GRSF1: variants seen among roughly 807,000 people sequenced by gnomAD.
The protein encoded by GRSF1 is G-rich RNA sequence binding factor 1.
GRSF1 carries 50 observed loss-of-function variants against 51.1 expected under a neutral mutation model. That is an observed-to-expected ratio of 0.98 (90% CI 0.78 to 1.24). The LOEUF is 1.24. Among genes scored for constraint, GRSF1 ranks in the 50% most tolerant of loss-of-function variants. GRSF1 has a pLI of 0.00. For synonymous variants in GRSF1, 293 were observed against 253.3 expected, an observed-to-expected ratio of 1.16 and a Z score of -1.49; for missense variants, 700 against 639.7, an observed-to-expected ratio of 1.09 and a Z score of -1.02.
intron 1 of GRSF1, among the ~76,000 whole-genome samples, chr4:70,838,515 C>A (rs1011699273): frequency 7.9e-5 from 12 of 152,134 alleles, no homozygotes; most frequent in Admixed American, 7.9e-4. Context: ...AGCAGCCATG[C>A]TGATTAGCCT....
chr4:70,825,592 G>A (rs1019745991), intron 7 of GRSF1, 161 bp from the exon 8 acceptor site: 2 of 465,232 alleles, frequency 4.3e-6, no homozygotes, highest in Non-Finnish European at 3.7e-6. Context: ...TATCTAGTAT[G>A]TCTTCTGGCT....
chr4:70,823,972 C>CTTT (rs1560594040), intron 9 of GRSF1, among the ~76,000 whole-genome samples: 1 of 22,538 alleles, frequency 4.4e-5, no homozygotes, highest in Non-Finnish European at 2.2e-4. Context: ...AGTTGTATCT[C>CTTT]TCTCTTTTTT....
Position 70,831,538 on chromosome 4 carries a change from C to A in GRSF1, c.950+1G>T. The A allele has an allele frequency of 1.2e-6, 2 of 1,612,834 alleles. No individual in the cohort carries two copies. Among genetic ancestry groups the A allele is most frequent in the South Asian group, 1.1e-5 (1 of 90,858 alleles). ...GCATCATTAGTATCTGCTTTACTCA[C>A]CGATTACCAATTTCTTCCCTGTGTT... On this transcript the variant is annotated splice_donor_variant, in intron 5 of 9. Coordinates refer to ENST00000254799, the MANE Select transcript of GRSF1 (RefSeq NM_002092.4). LOFTEE classifies it high-confidence loss of function.
chr4:70,828,216 GAGT>G (rs1167539673), intron 5 of GRSF1, among the ~76,000 whole-genome samples, 180 bp from the exon 6 acceptor site: 1 of 152,154 alleles, frequency 6.6e-6, no homozygotes, highest in South Asian at 2.1e-4. Flanking sequence ...ATATACAACA[GAGT>G]AGGTCACTGA....
At position 70,839,590 on chromosome 4, in the gene GRSF1, G is replaced by C; in HGVS notation, c.238C>G (p.Pro80Ala). 1 of 1,416,660 alleles carries C rather than the reference G, an allele frequency of 7.1e-7. No homozygotes were observed. Among genetic ancestry groups the C allele is most frequent in the Non-Finnish European group, 9.2e-7 (1 of 1,089,384 alleles). The allele number at this position is 1,416,660 out of a possible 1,614,324, so 87.8% of individuals were successfully genotyped here. Residue 80 changes from proline to alanine, a missense_variant, in exon 1 of 10, where the codon CCC becomes GCC. Coordinates refer to ENST00000254799, the MANE Select transcript of GRSF1 (RefSeq NM_002092.4). ...GCCGCGGCAGAGGTGGCCACAGCGG[G>C]AGGCCCCGCCAGCCTCCCGGGAGGC... The part of the protein sequence containing the change: ...PVPPGRLAGP[P>A]AVATSAAAAA...
At chr4:70,838,036 G>A (rs1247206812) in intron 1 of GRSF1, among the ~76,000 whole-genome samples, 1 of 151,520 alleles carries the variant, frequency 6.6e-6, no homozygotes, top group Non-Finnish European at 1.5e-5. Flanking sequence ...TCGAGACCAC[G>A]GTGAAACCCC....
Position 70,825,419 on chromosome 4 carries a change from G to A in GRSF1, c.1270C>T (p.Leu424Phe). The A allele has an allele frequency of 1.9e-6, 3 of 1,609,134 alleles. No homozygotes were observed. The highest frequency in any genetic ancestry group is 1.1e-5 in the South Asian group (1 of 90,436). ...AQDIINFFAP[L>F]KPVRITMEYS... ...TCCATGGTGATTCTAACAGGCTTGA[G>A]TGGAGCAAAAAACTAAACGACAAAC... is the stretch of plus-strand genomic sequence containing the variant. Residue 424 changes from leucine (L) to phenylalanine (F), a missense_variant, in exon 8 of 10, where the codon CTC (leucine) becomes TTC (phenylalanine). By Grantham distance (22) the Leu-to-Phe change is conservative. Coordinates refer to ENST00000254799, the MANE Select transcript of GRSF1 (RefSeq NM_002092.4).
At chr4:70,825,969 G>A (rs1378702233) in intron 7 of GRSF1, 155 bp downstream of exon 7, 2 of 648,648 alleles carry the variant, frequency 3.1e-6, no homozygotes, top group South Asian at 1.9e-5. Context: ...TTCAGCTACA[G>A]AAAAAGAAGC....
rs920422104 is a variant in GRSF1, at chr4:70,819,140, G to A, written c.*1747C>T. On this transcript the variant is annotated 3_prime_UTR_variant, in exon 10 of 10. Transcript: ENST00000254799. ...CCCATCCATCATATAGCATTTTAAT[G>A]CTTTGCTTGCATTCTTTTTCCAGAG... 2 of 152,126 alleles carry A rather than the reference G, an allele frequency of 1.3e-5. No individual in the cohort carries two copies. The highest frequency in any genetic ancestry group is 2.9e-5 in the Non-Finnish European group (2 of 68,032). The allele number at this position is 152,126 out of a possible 1,614,324, so 9.4% of individuals were successfully genotyped here. A position where few individuals can be genotyped will look rare whatever the true frequency, so the allele number is the denominator to read the frequency against.
rs1490228459 is a variant in GRSF1 at position 70,820,246 on chromosome 4, T to C, written c.*641A>G. 3.3e-5 allele frequency: 5 copies of C among 152,632 alleles called. No individual in the cohort carries two copies. Among genetic ancestry groups the C allele is most frequent in the African/African-American group, 1.2e-4 (5 of 41,466 alleles). 9.5% of individuals were successfully genotyped at this position (152,632 alleles called of 1,614,324 possible). ...CCGTTATACGCCTTTAGCACAAGGCTTAGAAAGGCAAAACATTTCTAAAGA... is the reference window on the plus strand; with the variant it reads ...CCGTTATACGCCTTTAGCACAAGGCCTAGAAAGGCAAAACATTTCTAAAGA... On this transcript the variant is annotated 3_prime_UTR_variant, in exon 10 of 10. Transcript: ENST00000254799.
In GRSF1 at chr4:70,827,834, G is replaced by C; in HGVS notation, c.1135+18C>G. ...TCAAGATAGACCCAATGAGTCTCAAGAAGAGGCAGGACCTTACCTATTTCC... is the reference window on the plus strand; with the variant it reads ...TCAAGATAGACCCAATGAGTCTCAACAAGAGGCAGGACCTTACCTATTTCC... On this transcript the variant is annotated intron_variant, in intron 6 of 9. Coordinates refer to ENST00000254799, the MANE Select transcript of GRSF1 (RefSeq NM_002092.4). 6.4e-7 allele frequency: 1 copy of C among 1,559,834 alleles called. No homozygotes were observed. The highest frequency in any genetic ancestry group is 8.7e-7 in the Non-Finnish European group (1 of 1,143,726).
At position 70,819,152 on chromosome 4, in the gene GRSF1, TTC is replaced by T. The variant is rs746312572; in HGVS notation, c.*1733_*1734del. On this transcript the variant is annotated 3_prime_UTR_variant, in exon 10 of 10. Transcript: ENST00000254799. Reference sequence around the variant, plus strand: ...ATAGCATTTTAATGCTTTGCTTGCATTCTTTTTCCAGAGATGTGCAAATAAAA... The same window carrying T: ...ATAGCATTTTAATGCTTTGCTTGCATTTTTTCCAGAGATGTGCAAATAAAA... 1.3e-5 allele frequency: 2 copies of T among 152,196 alleles called. No individual in the cohort carries two copies. Among genetic ancestry groups the T allele is most frequent in the Non-Finnish European group, 2.9e-5 (2 of 68,024 alleles). The allele number at this position is 152,196 out of a possible 1,614,324, so 9.4% of individuals were successfully genotyped here.
chr4:70,825,389 T>TTGG lies in GRSF1; in HGVS notation c.1299_1300insCCA (p.Tyr433_Ser434insPro). The TTGG allele has an allele frequency of 6.2e-7, 1 of 1,611,620 alleles. No individual in the cohort carries two copies. Among genetic ancestry groups the TTGG allele is most frequent in the Non-Finnish European group, 8.5e-7 (1 of 1,178,332 alleles). On this transcript the variant is annotated inframe_insertion, in exon 8 of 10. Coordinates refer to ENST00000254799, the MANE Select transcript of GRSF1 (RefSeq NM_002092.4). ...TCTCCAGTGGCCTTCCCACTGGAGC[T>TTGG]GTATTCCATGGTGATTCTAACAGGC...
At chr4:70,821,833 A>G (rs1260278534) in intron 9 of GRSF1, among the ~76,000 whole-genome samples, 1 of 151,602 alleles carries the variant, frequency 6.6e-6, no homozygotes, top group Non-Finnish European at 1.5e-5. Context: ...GCACCACCAC[A>G]CCCAGCTAAT....
In GRSF1 at chr4:70,818,118, A is replaced by G. The variant is rs77486851; in HGVS notation, c.*2769T>C. 3,489 of 152,374 alleles carry G rather than the reference A, an allele frequency of 0.023. 122 individuals carry two copies. The highest frequency in any genetic ancestry group is 0.16 in the East Asian group (824 of 5,178). The allele number at this position is 152,374 out of a possible 1,614,324, so 9.4% of individuals were successfully genotyped here. On this transcript the variant is annotated 3_prime_UTR_variant, in exon 10 of 10. Transcript: ENST00000254799. ...CAATGGTGTGATCTTGGCTCGCTAC[A>G]ACCTCTGCCTCCCAGGTTCAAGCGA...
chr4:70,830,348 G>A (rs931227977), intron 5 of GRSF1, among the ~76,000 whole-genome samples: 10 of 151,848 alleles, frequency 6.6e-5, no homozygotes, highest in Admixed American at 6.6e-4. Context: ...GGGAGGATGA[G>A]GCGAGACGAT....
At position 70,819,961 on chromosome 4, in the gene GRSF1, A is replaced by G. The variant is rs746839809; in HGVS notation, c.*926T>C. ...ATTTTTATTTAAGCAAGGCACCCCT[A>G]CTTGTTCTAAAATATGGGATGTACT... On this transcript the variant is annotated 3_prime_UTR_variant, in exon 10 of 10. Transcript: ENST00000254799. The G allele has an allele frequency of 1.7e-4, 26 of 152,678 alleles. No homozygotes were observed. Among genetic ancestry groups the G allele is most frequent in the African/African-American group, 5.5e-4 (23 of 41,474 alleles). The allele number at this position is 152,678 out of a possible 1,614,324, so 9.5% of individuals were successfully genotyped here.
chr4:70,831,626 C>T lies in GRSF1; in HGVS notation c.863G>A (p.Arg288Gln), dbSNP rs772758001. 1.2e-5 allele frequency: 19 copies of T among 1,613,358 alleles called. No homozygotes were observed. The Admixed American group carries it at 1.3e-4, about 11-fold the overall frequency. Residue 288 changes from arginine (R) to glutamine (Q), a missense_variant, in exon 5 of 10, where the codon CGA becomes CAA. Coordinates refer to ENST00000254799, the MANE Select transcript of GRSF1 (RefSeq NM_002092.4). ...ITFVMDYRGR[R>Q]KTGEAYVQFE... Reference sequence around the variant, plus strand: ...TTGCACATAGGCTTCCCCTGTTTTTCGCCTCCCTCTATAGTCCATCACAAA... The same window carrying T: ...TTGCACATAGGCTTCCCCTGTTTTTTGCCTCCCTCTATAGTCCATCACAAA...
At position 70,826,156 on chromosome 4, in the gene GRSF1, G is replaced by A. The variant is rs1277882046; in HGVS notation, c.1225C>T (p.Pro409Ser). 3.7e-6 allele frequency: 6 copies of A among 1,611,420 alleles called. No individual in the cohort carries two copies. Among genetic ancestry groups the A allele is most frequent in the Non-Finnish European group, 5.1e-6 (6 of 1,178,320 alleles). The change falls in exon 7 of 10, where the codon CCT becomes TCT. Residue 409 changes from proline to serine, a missense_variant. Pro to Ser is a moderately conservative substitution (Grantham distance 74). Transcript: ENST00000254799. ...ATGTCTTGGGCATTGGCTTGGAAAGGTAATCCTCTCATGTGGACAAAATGC... is the reference window on the plus strand; with the variant it reads ...ATGTCTTGGGCATTGGCTTGGAAAGATAATCCTCTCATGTGGACAAAATGC... ...SLHFVHMRGL[P>S]FQANAQDIIN...
Sources: allele counts gnomAD v4.1 joint callset (sites outside exome capture counted in the v4.1 genomes callset), GRCh38; gene constraint gnomAD v4.1.1; transcripts MANE v1.5; gene names NCBI Gene and HGNC (gene_info 2026-07-23, HGNC 2026-07-21).